The following DPP6 variants were observed in gnomAD, a reference collection of about 807,000 sequenced individuals.
DPP6 encodes A-type potassium channel modulatory protein DPP6.
DPP6 carries 69 observed loss-of-function variants against 122.6 expected under a neutral mutation model. The observed-to-expected ratio is 0.56, with a 90% CI of 0.46 to 0.69. DPP6 has a LOEUF of 0.69. DPP6 is among the 30% of genes least tolerant of loss of function. The pLI, the probability that DPP6 is intolerant of heterozygous loss-of-function variation, is 0.00. For synonymous variants in DPP6, 418 were observed against 433.1 expected (o/e 0.97, Z 0.43); for missense variants, 928 against 1,116.9 (o/e 0.83, Z 2.41).
At chr7:154,164,172 A>G (rs1369702268) in intron 1 of DPP6, among the ~76,000 whole-genome samples, 5 of 148,696 alleles carry the variant, frequency 3.4e-5, no homozygotes, top group African/African-American at 1.3e-4. Flanking sequence ...ACTATGGTCT[A>G]AGAGTCTTCC....
chr7:153,839,105 A>C, the DPP6 span, among the ~76,000 whole-genome samples: 1 of 148,112 alleles, frequency 6.8e-6, no homozygotes, highest in African/African-American at 2.5e-5. Context: ...AGAGGACCAC[A>C]CTGGCAACCA....
chr7:154,172,982 G>C (rs1025514330), intron 1 of DPP6, among the ~76,000 whole-genome samples: 9 of 152,134 alleles, frequency 5.9e-5, no homozygotes, highest in Non-Finnish European at 1.3e-4. Context: ...AATGTATTTT[G>C]TTAAAAATCT....
rs575326504 is a variant in DPP6, at chr7:153,975,945, A to C, written c.51+88211A>C. Among the ~76,000 whole-genome samples, 21 of 152,326 alleles carry C rather than the reference A, an allele frequency of 1.4e-4. No individual in the cohort carries two copies. In the East Asian group the frequency reaches 4.0e-3, roughly 29 times the overall value. The stretch of plus-strand genomic sequence containing the variant: ...ATCTATTTCACATGGTTATTATTAC[A>C]ATTAAATGAGTGGCTAATTGAAAAG... On this transcript the variant is annotated intron_variant, in intron 1 of 25. Coordinates refer to the DPP6 transcript ENST00000404039.
At chr7:153,936,675 GTGGTGGGCGCC>G (rs1801459606) in intron 1 of DPP6, among the ~76,000 whole-genome samples, 1 of 152,032 alleles carries the variant, frequency 6.6e-6, no homozygotes, top group African/African-American at 2.4e-5. Context: ...GCTGGGCGGG[GTGGTGGGCGCC>G]TGTGGTCCCA....
chr7:154,671,052 G>A (rs2131111894), intron 7 of DPP6, among the ~76,000 whole-genome samples: 1 of 152,280 alleles, frequency 6.6e-6, no homozygotes, highest in East Asian at 1.9e-4. Flanking sequence ...TCACAACAAA[G>A]AGACAAAATT....
intron 3 of DPP6, among the ~76,000 whole-genome samples, chr7:154,532,787 T>G (rs1463293062): frequency 6.6e-6 from 1 of 151,972 alleles, no homozygotes. Context: ...AAAACAAAAT[T>G]TATACTGATG....
At chr7:154,334,747 A>G (rs1459814885) in intron 1 of DPP6, among the ~76,000 whole-genome samples, 1 of 152,092 alleles carries the variant, frequency 6.6e-6, no homozygotes, top group Non-Finnish European at 1.5e-5. Flanking sequence ...AATACAAAAA[A>G]TAGCCAGGCA....
intron 3 of DPP6, among the ~76,000 whole-genome samples, chr7:154,526,778 A>G (rs1827439472): frequency 6.6e-6 from 1 of 152,148 alleles, no homozygotes; most frequent in Non-Finnish European, 1.5e-5. Flanking sequence ...CCAAAGGAAA[A>G]ATCACTCTTC....
At chr7:154,337,519 G>A (rs7806984) in intron 1 of DPP6, among the ~76,000 whole-genome samples, 4,469 of 152,182 alleles carry the variant, frequency 0.029, 126 homozygotes, top group African/African-American at 0.068. Flanking sequence ...CATCCCTACC[G>A]GACTCAGTGG....
chr7:154,540,629 A>T lies in DPP6; in HGVS notation c.552+3A>T. 1.3e-6 allele frequency: 2 copies of T among 1,524,820 alleles called. No individual in the cohort carries two copies. Among genetic ancestry groups the T allele is most frequent in the Non-Finnish European group, 1.8e-6 (2 of 1,120,146 alleles). The allele number at this position is 1,524,820 out of a possible 1,614,324, so 94.5% of individuals were successfully genotyped here. A position where few individuals can be genotyped will look rare whatever the true frequency, so the allele number is the denominator to read the frequency against. On this transcript the variant is annotated splice_donor_region_variant and intron_variant, in intron 4 of 25. Coordinates refer to ENST00000377770, the MANE Select transcript of DPP6 (RefSeq NM_130797.4). ...TCTTAATAGAAGGCAAAAAAATTGT[A>T]AGTACTCTCTTTAATGACCGGGATA...
chr7:154,373,857 G>A (rs1812887066), intron 1 of DPP6, among the ~76,000 whole-genome samples: 1 of 152,146 alleles, frequency 6.6e-6, no homozygotes. Context: ...AGTCTAGGAA[G>A]CTCATCTCAC....
intron 5 of DPP6, among the ~76,000 whole-genome samples, chr7:154,589,028 T>A (rs1434706713): frequency 3.3e-5 from 5 of 152,212 alleles, no homozygotes; most frequent in Non-Finnish European, 7.3e-5. Flanking sequence ...TGTGATTTCA[T>A]TGAGAGGTGT....
chr7:153,818,911 T>C, the DPP6 span, among the ~76,000 whole-genome samples: 83 of 151,620 alleles, frequency 5.5e-4, no homozygotes, highest in Middle Eastern at 3.4e-3. Flanking sequence ...GCCACCACGC[T>C]TGGCTAATTT....
chr7:154,394,582 C>G (rs1814918324), intron 1 of DPP6, among the ~76,000 whole-genome samples: 1 of 152,000 alleles, frequency 6.6e-6, no homozygotes, highest in South Asian at 2.1e-4. Flanking sequence ...AAATTTTAAA[C>G]AATTTCTCGA....
intron 5 of DPP6, among the ~76,000 whole-genome samples, chr7:154,615,779 C>G (rs1834207448): frequency 6.6e-6 from 1 of 152,144 alleles, no homozygotes; most frequent in Non-Finnish European, 1.5e-5. Context: ...ACTAACTCCC[C>G]TTTCCTACTC....
chr7:154,164,366 C>T (rs1184625735), intron 1 of DPP6, among the ~76,000 whole-genome samples: 1 of 151,974 alleles, frequency 6.6e-6, no homozygotes, highest in South Asian at 2.1e-4. Flanking sequence ...CAGCAAATGA[C>T]TGTGCGATTA....
chr7:154,761,786 G>A (rs1261265705), intron 8 of DPP6, among the ~76,000 whole-genome samples: 1 of 152,026 alleles, frequency 6.6e-6, no homozygotes, highest in Non-Finnish European at 1.5e-5. Flanking sequence ...CCATGTTGGT[G>A]TGCTGCACCC....
At chr7:154,196,296 C>A (rs911475796) in intron 1 of DPP6, among the ~76,000 whole-genome samples, 10 of 152,164 alleles carry the variant, frequency 6.6e-5, no homozygotes, top group South Asian at 2.1e-4. Context: ...TGGAGACCAG[C>A]CTGGCCAACA....
chr7:154,509,951 A>C (rs2129773236), intron 3 of DPP6, among the ~76,000 whole-genome samples: 1 of 152,302 alleles, frequency 6.6e-6, no homozygotes, highest in East Asian at 1.9e-4. Flanking sequence ...GGGGCAAAGA[A>C]AGTGATAGAT....
Sources: allele counts gnomAD v4.1 joint callset (sites outside exome capture counted in the v4.1 genomes callset), GRCh38; gene constraint gnomAD v4.1.1; transcripts MANE v1.5; gene names NCBI Gene and HGNC (gene_info 2026-07-23, HGNC 2026-07-21).